ZNF654: variants seen among roughly 807,000 people sequenced by gnomAD.
ZNF654 encodes melanoma-associated antigen.
ZNF654 carries 19 observed loss-of-function variants against 95.3 expected under a neutral mutation model. That is an observed-to-expected ratio of 0.20 (90% confidence interval 0.14 to 0.29). The LOEUF is 0.29. Ranked by LOEUF, ZNF654 falls within the 10% of genes least tolerant of loss-of-function variation. ZNF654 has a pLI of 1.00. For missense variants in ZNF654, 1,046 were observed against 1,341.0 expected (o/e 0.78, Z 3.44); for synonymous variants, 413 against 457.9 (o/e 0.90, Z 1.25).
chr3:88,082,248 TCC>T (rs1021704533), intron 1 of ZNF654, among the ~76,000 whole-genome samples: 12 of 152,010 alleles, frequency 7.9e-5, no homozygotes, highest in African/African-American at 2.2e-4. Context: ...TGCCTCAGCC[TCC>T]CAAGTAGCTA....
At chr3:88,112,529 A>G (rs1347344180) in intron 2 of ZNF654, among the ~76,000 whole-genome samples, 1 of 55,832 alleles carries the variant, frequency 1.8e-5, no homozygotes, top group Non-Finnish European at 5.5e-5. Flanking sequence ...AAAAGGAGGA[A>G]CTACAGAATT....
chr3:88,144,294 C>G lies in ZNF654; in HGVS notation c.*2642C>G, dbSNP rs934006724. On this transcript the variant is annotated 3_prime_UTR_variant, in exon 9 of 9. Transcript: ENST00000636215. ...ATATCATTGAACTTGTGATTCTTTT[C>G]AAATCACACTGAAGGTTCAGCCGTA... 6.6e-6 allele frequency: 1 copy of G among 152,222 alleles called. No homozygotes were observed. The highest frequency in any genetic ancestry group is 2.4e-5 in the African/African-American group (1 of 41,382). 9.4% of individuals were successfully genotyped at this position (152,222 alleles called of 1,614,324 possible). A position where few individuals can be genotyped will look rare whatever the true frequency, so the allele number is the denominator to read the frequency against.
chr3:88,094,226 T>G (rs540935930), intron 2 of ZNF654, among the ~76,000 whole-genome samples: 1 of 152,216 alleles, frequency 6.6e-6, no homozygotes, highest in African/African-American at 2.4e-5. Flanking sequence ...GTAGCTAAAG[T>G]CAATATTAAA....
At chr3:88,105,817 C>T (rs1202450601) in intron 2 of ZNF654, among the ~76,000 whole-genome samples, 1 of 152,042 alleles carries the variant, frequency 6.6e-6, no homozygotes, top group Non-Finnish European at 1.5e-5. Context: ...GCTTTATCCC[C>T]CCAAAACTCA....
chr3:88,129,998 T>A (rs1238039436), intron 6 of ZNF654, among the ~76,000 whole-genome samples, 172 bp downstream of exon 6: 2 of 152,152 alleles, frequency 1.3e-5, no homozygotes, highest in Non-Finnish European at 2.9e-5. Context: ...TAAAAAGAAA[T>A]GATAATGTGC....
At chr3:88,089,890 G>A (rs1708543160) in intron 2 of ZNF654, among the ~76,000 whole-genome samples, 1 of 152,210 alleles carries the variant, frequency 6.6e-6, no homozygotes, top group Admixed American at 6.5e-5. Flanking sequence ...TTTCATATGA[G>A]ATGGTGGTAC....
chr3:88,094,193 G>T (rs1253639024), intron 2 of ZNF654, among the ~76,000 whole-genome samples: 1 of 151,568 alleles, frequency 6.6e-6, no homozygotes, highest in Non-Finnish European at 1.5e-5. Flanking sequence ...TTACACTAGA[G>T]TATTTTGTTT....
At position 88,128,883 on chromosome 3, in the gene ZNF654, A is replaced by G; in HGVS notation, c.625A>G (p.Ile209Val). The stretch of plus-strand genomic sequence containing the variant: ...CAGATACCTAATTGCTTGTGAACGC[A>G]TACCCGAAGCAATGGCTCTTATTAA... ...RARYLIACER[I>V]PEAMALIKSC... The change falls in exon 5 of 9, where the codon ATA becomes GTA. Residue 209 changes from isoleucine to valine, a missense_variant. Ile to Val is a conservative substitution (Grantham distance 29, BLOSUM62 3). Coordinates refer to ENST00000636215, the MANE Select transcript of ZNF654 (RefSeq NM_001350134.2). 1.3e-6 allele frequency: 2 copies of G among 1,535,636 alleles called. No individual in the cohort carries two copies. Among genetic ancestry groups the G allele is most frequent in the Non-Finnish European group, 1.7e-6 (2 of 1,146,572 alleles).
rs141037134 is a variant in ZNF654, at chr3:88,125,554, C to A, written c.415-580C>A. Among the ~76,000 whole-genome samples the A allele has an allele frequency of 1.9e-3, 295 of 152,174 alleles. 1 individual carries two copies. The highest frequency in any genetic ancestry group is 6.8e-3 in the African/African-American group (284 of 41,520). ...GATTTACTTATTTATAGATTTATTT[C>A]TTTAACCTGTCATTTTTTTAATCCC... On this transcript the variant is annotated intron_variant, in intron 3 of 8. Coordinates refer to ENST00000636215, the MANE Select transcript of ZNF654 (RefSeq NM_001350134.2).
chr3:88,137,662 G>A (rs1030013114), intron 7 of ZNF654, among the ~76,000 whole-genome samples: 4 of 152,076 alleles, frequency 2.6e-5, no homozygotes, highest in Non-Finnish European at 4.4e-5. Context: ...CAGGATAAGT[G>A]GGGAGAAAAA....
chr3:88,144,435 C>G lies in ZNF654; in HGVS notation c.*2783C>G, dbSNP rs1384048078. ...AACACCTTTTCAGAATGAGTAAATG[C>G]TGCATATGCATTTTGGAGTTGTTAA... is the stretch of plus-strand genomic sequence containing the variant. On this transcript the variant is annotated 3_prime_UTR_variant, in exon 9 of 9. Transcript: ENST00000636215. 4 of 152,270 alleles carry G rather than the reference C, an allele frequency of 2.6e-5. No individual in the cohort carries two copies. The East Asian group carries it at 5.8e-4, about 22-fold the overall frequency. The allele number at this position is 152,270 out of a possible 1,614,324, so 9.4% of individuals were successfully genotyped here.
Position 88,063,796 on chromosome 3 carries a change from A to G in ZNF654, c.186+4291A>G, listed in dbSNP as rs112284580. On this transcript the variant is annotated intron_variant, in intron 1 of 8. Transcript: ENST00000636215. ...GTAGGGATGGTACAGTGGCCATACT[A>G]TCATTTGCTCTTTCTTACTAGTCAT... Among the ~76,000 whole-genome samples the G allele has an allele frequency of 2.3e-3, 354 of 152,024 alleles. 2 individuals are homozygous for G. The highest frequency in any genetic ancestry group is 0.014 in the South Asian group (68 of 4,810).
intron 2 of ZNF654, among the ~76,000 whole-genome samples, chr3:88,106,080 G>A (rs573241303): frequency 3.9e-5 from 6 of 152,128 alleles, no homozygotes; most frequent in Non-Finnish European, 7.4e-5. Context: ...ACCTGTTGGC[G>A]CTCTGATGAG....
intron 1 of ZNF654, among the ~76,000 whole-genome samples, chr3:88,079,472 A>G (rs1707973536): frequency 6.6e-6 from 1 of 152,122 alleles, no homozygotes; most frequent in South Asian, 2.1e-4. Context: ...TCAAACTGGA[A>G]CTGATAGATG....
At chr3:88,138,006 G>A (rs1474278694) in intron 7 of ZNF654, among the ~76,000 whole-genome samples, 1 of 151,976 alleles carries the variant, frequency 6.6e-6, no homozygotes, top group East Asian at 1.9e-4. Context: ...AAGATGGGTC[G>A]ACAATAGATT....
In ZNF654 at chr3:88,140,745, G is replaced by T. The variant is rs759908248; in HGVS notation, c.3076G>T (p.Ala1026Ser). ...ACACAACACCTTGCCAGTATCTCAG[G>T]CACCTTCCAAACCAAATCTGACAAG... ...QEHNTLPVSQ[A>S]PSKPNLTSEH... The change falls in exon 8 of 9, where the codon GCA (alanine) becomes TCA (serine). Residue 1026 changes from alanine to serine, a missense_variant. By Grantham distance (99) the Ala-to-Ser change is moderately conservative. Around this residue, in one of 9 missense-constraint regions of ZNF654, gnomAD observed 495 missense variants for 537.0 expected, o/e 0.92. Coordinates refer to ENST00000636215, the MANE Select transcript of ZNF654 (RefSeq NM_001350134.2). 1 of 1,613,630 alleles carries T rather than the reference G, an allele frequency of 6.2e-7. No homozygotes were observed. Among genetic ancestry groups the T allele is most frequent in the South Asian group, 1.1e-5 (1 of 91,070 alleles).
chr3:88,093,012 GC>G (rs1703840715), intron 2 of ZNF654, among the ~76,000 whole-genome samples: 1 of 152,136 alleles, frequency 6.6e-6, no homozygotes, highest in African/African-American at 2.4e-5. Context: ...TCTTAAATCA[GC>G]TAATTATAAT....
chr3:88,099,613 G>T (rs1344287266), intron 2 of ZNF654, among the ~76,000 whole-genome samples: 1 of 152,104 alleles, frequency 6.6e-6, no homozygotes, highest in Non-Finnish European at 1.5e-5. Context: ...CATGGTACTG[G>T]TACCAAAACA....
intron 2 of ZNF654, among the ~76,000 whole-genome samples, chr3:88,091,745 G>T (rs1316212622): frequency 6.6e-6 from 1 of 152,092 alleles, no homozygotes; most frequent in Non-Finnish European, 1.5e-5. Context: ...GAGATCTGAT[G>T]GTTTTATAAA....
Sources: gnomAD v4.1 joint callset for allele counts (sites outside exome capture counted in the v4.1 genomes callset) on GRCh38, gnomAD v4.1.1 for gene constraint, gnomAD v4.1.1 regional missense constraint, MANE v1.5 for transcripts, NCBI Gene and HGNC (gene_info 2026-07-23, HGNC 2026-07-21) for gene names.